MYEF2: variants seen among roughly 807,000 people sequenced by gnomAD.
MYEF2 encodes myelin expression factor 2, also known as myelin gene expression factor 2.
Under a neutral mutation model 75.2 loss-of-function variants are expected in MYEF2, and 37 were observed. The ratio of observed to expected loss-of-function variants is 0.49; its 90% CI spans 0.38 to 0.65. MYEF2 has a LOEUF of 0.65. Among genes scored for constraint, MYEF2 ranks in the 30% least tolerant of loss-of-function variants. The pLI is 0.00. For missense variants in MYEF2, 634 were observed against 771.4 expected, an observed-to-expected ratio of 0.82 and a Z score of 2.11; for synonymous variants, 195 against 241.6, an observed-to-expected ratio of 0.81 and a Z score of 1.79.
chr15:48,138,840 T>C lies in MYEF2; in HGVS notation c.*4068A>G. On this transcript the variant is annotated 3_prime_UTR_variant, in exon 17 of 17. Coordinates refer to ENST00000324324, the MANE Select transcript of MYEF2 (RefSeq NM_016132.5). ...ACCAGCAATATCAGTAATGAGGTACTCAAATGTTTTAAACAGCCTTTTAAA... is the reference window on the plus strand; with the variant it reads ...ACCAGCAATATCAGTAATGAGGTACCCAAATGTTTTAAACAGCCTTTTAAA... 3.0e-6 allele frequency: 2 copies of C among 674,234 alleles called. No individual in the cohort carries two copies. Among genetic ancestry groups the C allele is most frequent in the Non-Finnish European group, 5.1e-6 (2 of 393,866 alleles). 41.8% of individuals were successfully genotyped at this position (674,234 alleles called of 1,614,324 possible). A position where few individuals can be genotyped will look rare whatever the true frequency, so the allele number is the denominator to read the frequency against.
chr15:48,170,817 G>T, intron 1 of MYEF2, among the ~76,000 whole-genome samples: 1 of 152,248 alleles, frequency 6.6e-6, no homozygotes, highest in Non-Finnish European at 1.5e-5. Context: ...CACCTCGCAC[G>T]GTGACTGCAT....
chr15:48,151,215 A>G, intron 13 of MYEF2, 44 bp from the exon 14 acceptor site: 1 of 1,492,116 alleles, frequency 6.7e-7, no homozygotes, highest in South Asian at 1.2e-5. Context: ...ATTTTAAATA[A>G]TCATACTTTA....
chr15:48,143,159 G>C, intron 16 of MYEF2, 88 bp from the exon 17 acceptor site: 1 of 756,608 alleles, frequency 1.3e-6, no homozygotes, highest in Non-Finnish European at 1.9e-6. Flanking sequence ...AGCCAATTGT[G>C]ATAATTAATT....
intron 16 of MYEF2, among the ~76,000 whole-genome samples, chr15:48,147,053 ATATAAT>A (rs1056289845): frequency 2.6e-5 from 4 of 151,996 alleles, no homozygotes; most frequent in Admixed American, 6.6e-5. Flanking sequence ...TAATCTTAAA[ATATAAT>A]TATAATCGAA....
At chr15:48,166,091 C>T (rs2040122911) in intron 4 of MYEF2, 30 bp downstream of exon 4, 3 of 1,577,938 alleles carry the variant, frequency 1.9e-6, no homozygotes, top group East Asian at 2.2e-5. Flanking sequence ...TTTAATTTGA[C>T]TTAAGATACT....
At chr15:48,173,498 AAT>A (rs2140940767) in intron 1 of MYEF2, among the ~76,000 whole-genome samples, 1 of 152,330 alleles carries the variant, frequency 6.6e-6, no homozygotes, top group Non-Finnish European at 1.5e-5. Flanking sequence ...CAGCCAGAGC[AAT>A]TAGGCAAATA....
chr15:48,172,150 G>A (rs146724367), intron 1 of MYEF2, among the ~76,000 whole-genome samples: 19 of 152,148 alleles, frequency 1.2e-4, no homozygotes, highest in South Asian at 4.2e-4. Context: ...CTGTAATCCC[G>A]GCACTTTGGG....
intron 10 of MYEF2, chr15:48,153,282 T>A (rs529793064): frequency 6.6e-6 from 1 of 152,256 alleles, no homozygotes; most frequent in South Asian, 2.1e-4. Context: ...CAGTAAATAC[T>A]GGTAATTATA....
rs775238392 is a variant in MYEF2 at position 48,136,755 on chromosome 15, C to A, written c.*6153G>T. ...TGCTGTGTTTTGACATTAAAATTAA[C>A]CAATATATTATAAAGAAATGCAGTC... On this transcript the variant is annotated 3_prime_UTR_variant, in exon 17 of 17. Transcript: ENST00000324324. 13 of 1,613,240 alleles carry A rather than the reference C, an allele frequency of 8.1e-6. No individual in the cohort carries two copies. The Admixed American group carries it at 1.7e-4, about 21-fold the overall frequency.
intron 5 of MYEF2, among the ~76,000 whole-genome samples, chr15:48,162,089 A>G (rs2039962126): frequency 6.6e-6 from 1 of 151,762 alleles, no homozygotes; most frequent in South Asian, 2.1e-4. Context: ...TTAATAATAA[A>G]CCCCAGACTC....
rs370190944 is a variant in MYEF2, at chr15:48,141,345, G to T, written c.*1563C>A. On this transcript the variant is annotated 3_prime_UTR_variant, in exon 17 of 17. Transcript: ENST00000324324. ...TGTAATCCCAGGATTTTGGGAGGCC[G>T]AGGCGGGTGGATCACGAGGTCAGGA... 1.8e-5 allele frequency: 11 copies of T among 615,098 alleles called. No individual in the cohort carries two copies. Among genetic ancestry groups the T allele is most frequent in the African/African-American group, 1.3e-4 (7 of 53,526 alleles). The allele number at this position is 615,098 out of a possible 1,614,324, so 38.1% of individuals were successfully genotyped here.
intron 5 of MYEF2, among the ~76,000 whole-genome samples, chr15:48,161,661 G>T (rs1440961461): frequency 6.6e-6 from 1 of 150,424 alleles, no homozygotes; most frequent in Non-Finnish European, 1.5e-5. Flanking sequence ...ACAATAACAT[G>T]ATATTTAGCA....
chr15:48,135,075 C>A lies in MYEF2; in HGVS notation c.*7833G>T. On this transcript the variant is annotated 3_prime_UTR_variant, in exon 17 of 17. Coordinates refer to ENST00000324324, the MANE Select transcript of MYEF2 (RefSeq NM_016132.5). ...TTTTTTTCAGAAATGTTATTTCAGT[C>A]ACTTAATCTGCCACTTCTATACCAT... 2 of 938,704 alleles carry A rather than the reference C, an allele frequency of 2.1e-6. No individual in the cohort carries two copies. The highest frequency in any genetic ancestry group is 1.5e-5 in the South Asian group (1 of 65,032). 58.1% of individuals were successfully genotyped at this position (938,704 alleles called of 1,614,324 possible). A position where few individuals can be genotyped will look rare whatever the true frequency, so the allele number is the denominator to read the frequency against.
At position 48,138,563 on chromosome 15, in the gene MYEF2, GGC is replaced by G; in HGVS notation, c.*4343_*4344del. Reference sequence around the variant, plus strand: ...TATACATTATCTGGTACATAGGGCAGGCAGAGGCATCATCAATATTATGAAGT... The same window carrying G: ...TATACATTATCTGGTACATAGGGCAGAGAGGCATCATCAATATTATGAAGT... On this transcript the variant is annotated 3_prime_UTR_variant, in exon 17 of 17. Transcript: ENST00000324324. 1 of 160,918 alleles carries G rather than the reference GGC, an allele frequency of 6.2e-6. No homozygotes were observed. Among genetic ancestry groups the G allele is most frequent in the Non-Finnish European group, 1.4e-5 (1 of 73,062 alleles). The allele number at this position is 160,918 out of a possible 1,614,324, so 10.0% of individuals were successfully genotyped here. A position where few individuals can be genotyped will look rare whatever the true frequency, so the allele number is the denominator to read the frequency against.
At chr15:48,158,317 T>G in intron 7 of MYEF2, 93 bp from the exon 8 acceptor site, 2 of 1,175,564 alleles carry the variant, frequency 1.7e-6, no homozygotes, top group Non-Finnish European at 2.5e-6. Flanking sequence ...TCCAACTCTC[T>G]GATATTTTAA....
At chr15:48,156,450 T>C (rs1310512370) in intron 9 of MYEF2, among the ~76,000 whole-genome samples, 2 of 151,258 alleles carry the variant, frequency 1.3e-5, no homozygotes, top group Non-Finnish European at 2.9e-5. Context: ...GCCAAAATAT[T>C]TGAAAATGAA....
Position 48,136,051 on chromosome 15 carries a change from G to A in MYEF2, c.*6857C>T, listed in dbSNP as rs1285615801. 1.3e-5 allele frequency: 2 copies of A among 152,172 alleles called. No homozygotes were observed. Among genetic ancestry groups the A allele is most frequent in the African/African-American group, 4.8e-5 (2 of 41,452 alleles). The allele number at this position is 152,172 out of a possible 1,614,324, so 9.4% of individuals were successfully genotyped here. A position where few individuals can be genotyped will look rare whatever the true frequency, so the allele number is the denominator to read the frequency against. On this transcript the variant is annotated 3_prime_UTR_variant, in exon 17 of 17. Transcript: ENST00000324324. ...GTGATGGCATTAGCTAACTGCCAGAGTACAGGGAAACAGTTCTTGGTTCCA... is the reference window on the plus strand; with the variant it reads ...GTGATGGCATTAGCTAACTGCCAGAATACAGGGAAACAGTTCTTGGTTCCA...
intron 5 of MYEF2, among the ~76,000 whole-genome samples, chr15:48,160,790 G>A (rs990862029): frequency 3.9e-5 from 6 of 152,002 alleles, no homozygotes; most frequent in African/African-American, 1.2e-4. Context: ...AGGATGGCTG[G>A]AGAATAAAAG....
In MYEF2 at chr15:48,139,126, A is replaced by ACATTTACATATCCGCATT; in HGVS notation, c.*3781_*3782insAATGCGGATATGTAAATG. 6.2e-7 allele frequency: 1 copy of ACATTTACATATCCGCATT among 1,613,098 alleles called. No individual in the cohort carries two copies. Among genetic ancestry groups the ACATTTACATATCCGCATT allele is most frequent in the South Asian group, 1.1e-5 (1 of 91,034 alleles). On this transcript the variant is annotated 3_prime_UTR_variant, in exon 17 of 17. Coordinates refer to ENST00000324324, the MANE Select transcript of MYEF2 (RefSeq NM_016132.5). ...TGATAACCTTTTTCATGTCTGCAAT[A>ACATTTACATATCCGCATT]TGGATATCCGCATTTACATATATCC...
Sources: gnomAD v4.1 joint callset for allele counts (sites outside exome capture counted in the v4.1 genomes callset) on GRCh38, gnomAD v4.1.1 for gene constraint, MANE v1.5 for transcripts, NCBI Gene and HGNC (gene_info 2026-07-23, HGNC 2026-07-21) for gene names.